Variants in SEMA3D observed in about 807,000 individuals in gnomAD.
SEMA3D encodes the protein semaphorin-3D.
In SEMA3D, 84 loss-of-function variants were observed where a neutral mutation model predicts 100.1. The ratio of observed to expected loss-of-function variants is 0.84; its 90% CI spans 0.70 to 1.01. SEMA3D has a LOEUF of 1.01. Ranked by LOEUF, SEMA3D falls within the 50% of genes least tolerant of loss-of-function variation. The probability of loss-of-function intolerance (pLI) is 0.00; values close to 1 mark genes in which losing one functional copy is unlikely to be tolerated. For synonymous variants in SEMA3D, 312 were observed against 320.7 expected (o/e 0.97, Z 0.29); for missense variants, 875 against 934.1 (o/e 0.94, Z 0.82).
At chr7:85,173,848 T>G (rs1228331753) in intron 1 of SEMA3D, among the ~76,000 whole-genome samples, 1 of 152,134 alleles carries the variant, frequency 6.6e-6, no homozygotes, top group Non-Finnish European at 1.5e-5. Flanking sequence ...GGACCCAGGA[T>G]GTCTGCTTTC....
intron 1 of SEMA3D, among the ~76,000 whole-genome samples, chr7:85,182,570 G>C (rs1791437048): frequency 6.6e-6 from 1 of 152,014 alleles, no homozygotes; most frequent in Non-Finnish European, 1.5e-5. Flanking sequence ...CATAACAACA[G>C]AAAAAGTAAA....
At chr7:85,157,248 TTA>T (rs1319466374) in intron 1 of SEMA3D, among the ~76,000 whole-genome samples, 1 of 152,190 alleles carries the variant, frequency 6.6e-6, no homozygotes, top group East Asian at 1.9e-4. Flanking sequence ...AATAAATAAA[TTA>T]TGTTAACAAT....
At chr7:85,090,890 T>C (rs1312052846) in intron 4 of SEMA3D, among the ~76,000 whole-genome samples, 1 of 152,086 alleles carries the variant, frequency 6.6e-6, no homozygotes, top group South Asian at 2.1e-4. Context: ...TATGTAAAAT[T>C]ATAAATTCAT....
At chr7:85,154,531 AT>A (rs1790526479) in intron 1 of SEMA3D, among the ~76,000 whole-genome samples, 2 of 152,056 alleles carry the variant, frequency 1.3e-5, no homozygotes, top group African/African-American at 4.8e-5. Context: ...CTGACCAGAC[AT>A]TTACTTATTA....
intron 7 of SEMA3D, among the ~76,000 whole-genome samples, chr7:85,067,214 G>A (rs1020126441): frequency 2.6e-5 from 4 of 151,998 alleles, no homozygotes; most frequent in East Asian, 3.9e-4. Context: ...CCAGGCTTTC[G>A]AACTTCTTCC....
chr7:85,089,571 T>G (rs13234520), intron 4 of SEMA3D, among the ~76,000 whole-genome samples: 1 of 152,152 alleles, frequency 6.6e-6, no homozygotes, highest in East Asian at 1.9e-4. Context: ...AGGAATATAG[T>G]AGAACCTCAA....
chr7:85,016,382 A>T (rs1478653785), intron 15 of SEMA3D, among the ~76,000 whole-genome samples: 1 of 151,342 alleles, frequency 6.6e-6, no homozygotes, highest in Non-Finnish European at 1.5e-5. Flanking sequence ...CCCCCCCTAA[A>T]TCTACTCCTC....
intron 3 of SEMA3D, among the ~76,000 whole-genome samples, chr7:85,109,543 A>G (rs559398657): frequency 6.6e-6 from 1 of 152,066 alleles, no homozygotes; most frequent in African/African-American, 2.4e-5. Context: ...AAACCCCTTT[A>G]TGACCATCTT....
chr7:85,209,327 C>G, the SEMA3D span, among the ~76,000 whole-genome samples: 2 of 151,720 alleles, frequency 1.3e-5, no homozygotes, highest in African/African-American at 2.4e-5. Flanking sequence ...TATACACACA[C>G]GTACAACCGG....
intron 11 of SEMA3D, among the ~76,000 whole-genome samples, chr7:85,037,753 A>C (rs1371287269): frequency 6.6e-6 from 1 of 152,052 alleles, no homozygotes; most frequent in Non-Finnish European, 1.5e-5. Context: ...CTCCAAAGGA[A>C]TTTTTTCAAA....
chr7:85,034,630 A>G (rs551679405), intron 12 of SEMA3D, among the ~76,000 whole-genome samples: 4 of 152,146 alleles, frequency 2.6e-5, no homozygotes, highest in Admixed American at 1.3e-4. Flanking sequence ...AAAACAAAAC[A>G]AAACAAAATT....
intron 4 of SEMA3D, among the ~76,000 whole-genome samples, chr7:85,082,583 A>G (rs1788097226): frequency 6.6e-6 from 1 of 152,224 alleles, no homozygotes; most frequent in Admixed American, 6.5e-5. Flanking sequence ...ATGGTAGCAG[A>G]AAATATTTTA....
At chr7:85,121,327 T>C (rs540164805) in intron 3 of SEMA3D, among the ~76,000 whole-genome samples, 13 of 152,316 alleles carry the variant, frequency 8.5e-5, no homozygotes, top group Admixed American at 2.6e-4. Flanking sequence ...CAAGTACATA[T>C]ATAGTTGAGA....
rs1164760300 is a variant in SEMA3D at position 85,082,704 on chromosome 7, T to C, written c.313-1125A>G. 2.6e-5 allele frequency among the ~76,000 whole-genome samples: 4 copies of C among 152,232 alleles called. No homozygotes were observed. The East Asian group carries it at 7.7e-4, about 29-fold the overall frequency. ...ATCAATGTTTATATGATATTATCTT[T>C]GTGGTGAAATTTTAGGGTTTTATGT... On this transcript the variant is annotated intron_variant, in intron 4 of 18. Transcript: ENST00000284136.
At chr7:85,224,314 A>G in the SEMA3D span, among the ~76,000 whole-genome samples, 1 of 152,228 alleles carries the variant, frequency 6.6e-6, no homozygotes, top group Non-Finnish European at 1.5e-5. Flanking sequence ...GAATGCCTGC[A>G]GCAAATCTTG....
At chr7:85,003,497 A>T (rs1789710553) in intron 18 of SEMA3D, among the ~76,000 whole-genome samples, 1 of 152,038 alleles carries the variant, frequency 6.6e-6, no homozygotes, top group African/African-American at 2.4e-5. Context: ...TTTAAGCATA[A>T]CAGGTGAGAT....
chr7:85,039,764 A>T (rs1252321861), intron 11 of SEMA3D, among the ~76,000 whole-genome samples: 4 of 152,140 alleles, frequency 2.6e-5, no homozygotes, highest in African/African-American at 9.7e-5. Flanking sequence ...TGAAATAGTC[A>T]TAACAGCCAC....
Position 84,999,089 on chromosome 7 carries a change from T to C in SEMA3D, c.*351A>G, listed in dbSNP as rs573646294. Reference sequence around the variant, plus strand: ...TGGTAAATTCCATGCTTAATGGACATTCGAGGGAATAAAGCACCTTATACA... The same window carrying C: ...TGGTAAATTCCATGCTTAATGGACACTCGAGGGAATAAAGCACCTTATACA... On this transcript the variant is annotated 3_prime_UTR_variant, in exon 19 of 19. Coordinates refer to ENST00000284136, the MANE Select transcript of SEMA3D (RefSeq NM_001384900.1). 152 of 236,216 alleles carry C rather than the reference T, an allele frequency of 6.4e-4. 1 individual carries two copies. The South Asian group carries it at 0.01, about 16-fold the overall frequency. The allele number at this position is 236,216 out of a possible 1,614,324, so 14.6% of individuals were successfully genotyped here.
chr7:85,008,303 A>C (rs1789856961), intron 17 of SEMA3D, among the ~76,000 whole-genome samples: 1 of 151,850 alleles, frequency 6.6e-6, no homozygotes. Context: ...AATTTAGTAA[A>C]AGATAAATTG....
Sources: allele counts gnomAD v4.1 joint callset (sites outside exome capture counted in the v4.1 genomes callset), GRCh38; gene constraint gnomAD v4.1.1; transcripts MANE v1.5; gene names NCBI Gene and HGNC (gene_info 2026-07-23, HGNC 2026-07-21).